Variants in AKAP6 observed in about 807,000 individuals in gnomAD.
The protein encoded by AKAP6 is A-kinase anchoring protein 6, also known as A-kinase anchor protein 6.
AKAP6 carries 58 observed loss-of-function variants against 188.5 expected under a neutral mutation model. That is an observed-to-expected ratio of 0.31 (90% CI 0.25 to 0.38). AKAP6 has a LOEUF of 0.38. Among genes scored for constraint, AKAP6 ranks in the 10% least tolerant of loss-of-function variants. The pLI is 1.00. For synonymous variants in AKAP6, 989 were observed against 998.6 expected, an observed-to-expected ratio of 0.99 and a Z score of 0.18; for missense variants, 2,710 against 2,740.0, an observed-to-expected ratio of 0.99 and a Z score of 0.24.
At chr14:32,427,317 G>A (rs1203019284) in intron 1 of AKAP6, among the ~76,000 whole-genome samples, 1 of 152,206 alleles carries the variant, frequency 6.6e-6, no homozygotes, top group African/African-American at 2.4e-5. Flanking sequence ...AGAGAGCAAA[G>A]GAGGAGAAGG....
intron 7 of AKAP6, among the ~76,000 whole-genome samples, chr14:32,639,229 A>T (rs1887654025): frequency 6.6e-6 from 1 of 152,174 alleles, no homozygotes; most frequent in Non-Finnish European, 1.5e-5. Context: ...TTTTTGCATG[A>T]ATGTACGTGA....
intron 1 of AKAP6, among the ~76,000 whole-genome samples, chr14:32,384,648 C>T (rs1307485842): frequency 6.6e-6 from 1 of 152,144 alleles, no homozygotes; most frequent in Non-Finnish European, 1.5e-5. Context: ...ATTTCAGTGT[C>T]TCTGATGCAT....
chr14:32,392,782 A>G (rs1012763266), intron 1 of AKAP6, among the ~76,000 whole-genome samples: 3 of 152,148 alleles, frequency 2.0e-5, no homozygotes, highest in African/African-American at 7.2e-5. Flanking sequence ...TTGAGCCACA[A>G]AATAAGTTAT....
At chr14:32,393,113 T>G (rs760188555) in intron 1 of AKAP6, among the ~76,000 whole-genome samples, 2 of 152,110 alleles carry the variant, frequency 1.3e-5, no homozygotes, top group Non-Finnish European at 2.9e-5. Flanking sequence ...ACAAAATGCC[T>G]AGTAATTTCA....
At chr14:32,751,032 C>T (rs2032116261) in intron 11 of AKAP6, among the ~76,000 whole-genome samples, 1 of 152,016 alleles carries the variant, frequency 6.6e-6, no homozygotes, top group South Asian at 2.1e-4. Context: ...CCGCACCCAG[C>T]CTGTTCATTC....
At chr14:32,670,944 TGA>T (rs945641812) in intron 7 of AKAP6, among the ~76,000 whole-genome samples, 1 of 152,140 alleles carries the variant, frequency 6.6e-6, no homozygotes, top group Non-Finnish European at 1.5e-5. Context: ...CAATTTGTAT[TGA>T]GTGTCTTATC....
At chr14:32,492,370 A>AGAGAGAGAG (rs1880077455) in intron 2 of AKAP6, among the ~76,000 whole-genome samples, 1 of 147,114 alleles carries the variant, frequency 6.8e-6, no homozygotes, top group Admixed American at 6.9e-5. Flanking sequence ...AGAGAGAGAG[A>AGAGAGAGAG]GAGAGAGAGA....
At chr14:32,625,844 C>A (rs935351833) in intron 7 of AKAP6, among the ~76,000 whole-genome samples, 14 of 152,154 alleles carry the variant, frequency 9.2e-5, no homozygotes, top group African/African-American at 3.1e-4. Flanking sequence ...ACCAAAGGGA[C>A]AATATTTCAC....
chr14:32,638,376 C>A (rs1251594556), intron 7 of AKAP6, among the ~76,000 whole-genome samples: 1 of 152,098 alleles, frequency 6.6e-6, no homozygotes, highest in African/African-American at 2.4e-5. Flanking sequence ...ATATTCAACT[C>A]TATTTTGTAT....
intron 3 of AKAP6, among the ~76,000 whole-genome samples, chr14:32,543,796 G>A (rs527746419): frequency 1.3e-5 from 2 of 152,208 alleles, no homozygotes; most frequent in African/African-American, 2.4e-5. Context: ...ATCCAGGGCC[G>A]GTGTCATCTT....
Position 32,433,598 on chromosome 14 carries a change from G to T in AKAP6, c.105G>T (p.Glu35Asp). The change falls in exon 2 of 14, where the codon GAG becomes GAT. Residue 35 changes from glutamate to aspartate, a missense_variant. Coordinates refer to ENST00000280979, the MANE Select transcript of AKAP6 (RefSeq NM_004274.5). ...PMAINMTPTV[E>D]QGEGEEAMKD... ...CCATCAACATGACACCCACTGTGGA[G>T]CAGGGTGAGGGAGAAGAGGCAATGA... 1 of 1,614,162 alleles carries T rather than the reference G, an allele frequency of 6.2e-7. No individual in the cohort carries two copies. The highest frequency in any genetic ancestry group is 8.5e-7 in the Non-Finnish European group (1 of 1,180,026).
chr14:32,643,031 C>A (rs1264252011), intron 7 of AKAP6, among the ~76,000 whole-genome samples: 1 of 152,120 alleles, frequency 6.6e-6, no homozygotes, highest in Admixed American at 6.6e-5. Context: ...TCGAGACTTA[C>A]TAGGACAACT....
chr14:32,537,523 A>G (rs1882738738), intron 3 of AKAP6, among the ~76,000 whole-genome samples: 1 of 152,304 alleles, frequency 6.6e-6, no homozygotes, highest in African/African-American at 2.4e-5. Flanking sequence ...CTTTCTTTAG[A>G]TATCTACCTG....
intron 7 of AKAP6, among the ~76,000 whole-genome samples, chr14:32,678,054 A>G (rs574303862): frequency 1.4e-4 from 22 of 152,326 alleles, no homozygotes; most frequent in African/African-American, 5.1e-4. Flanking sequence ...ATACAGTATT[A>G]TGATCTCAGG....
intron 7 of AKAP6, among the ~76,000 whole-genome samples, chr14:32,638,125 G>A (rs929122353): frequency 6.6e-6 from 1 of 152,046 alleles, no homozygotes; most frequent in Non-Finnish European, 1.5e-5. Flanking sequence ...AGTGGAGAGA[G>A]GAAGACCGAG....
chr14:32,723,557 T>G (rs2383374), intron 9 of AKAP6, among the ~76,000 whole-genome samples: 13,649 of 140,898 alleles, frequency 0.097, 781 homozygotes, highest in African/African-American at 0.15. Flanking sequence ...GCGTATGTGT[T>G]TATGTGTGTG....
rs1566512120 is a variant in AKAP6 at position 32,454,689 on chromosome 14, CTCCCTCCCTCCCTCCCTCCT to C, written c.324+20880_324+20899del. Reference sequence around the variant, plus strand: ...CCTCCTTCCCTCCTTCCCTCCTTCCCTCCCTCCCTCCCTCCCTCCTTCCCTCCTTCTCTCCTTCCCTCCTT... The same window carrying C: ...CCTCCTTCCCTCCTTCCCTCCTTCCCTCCCTCCTTCTCTCCTTCCCTCCTT... On this transcript the variant is annotated intron_variant, in intron 2 of 13. Transcript: ENST00000280979. Among the ~76,000 whole-genome samples the C allele has an allele frequency of 7.2e-5, 3 of 41,794 alleles. 1 individual carries two copies. The highest frequency in any genetic ancestry group is 1.6e-4 in the Non-Finnish European group (3 of 18,476). The allele number at this position is 41,794 out of a possible 152,430, so 27.4% of individuals were successfully genotyped here.
chr14:32,642,342 T>C (rs1268116312), intron 7 of AKAP6, among the ~76,000 whole-genome samples: 1 of 152,254 alleles, frequency 6.6e-6, no homozygotes, highest in African/African-American at 2.4e-5. Context: ...GCATTGTATT[T>C]ACACAGTTTT....
intron 1 of AKAP6, among the ~76,000 whole-genome samples, chr14:32,389,577 A>T (rs1888642086): frequency 6.6e-6 from 1 of 152,062 alleles, no homozygotes; most frequent in Admixed American, 6.6e-5. Context: ...TTGTCTGAAA[A>T]TGACTGTATC....
Sources: allele counts gnomAD v4.1 joint callset (sites outside exome capture counted in the v4.1 genomes callset), GRCh38; gene constraint gnomAD v4.1.1; transcripts MANE v1.5; gene names NCBI Gene and HGNC (gene_info 2026-07-23, HGNC 2026-07-21).